The following R3HDML variants were observed in gnomAD, a reference collection of about 807,000 sequenced individuals.
R3HDML encodes the protein peptidase inhibitor R3HDML.
Under a neutral mutation model 24.2 loss-of-function variants are expected in R3HDML, and 21 were observed. That is an observed-to-expected ratio of 0.87 (90% confidence interval 0.62 to 1.25). R3HDML has a LOEUF of 1.25. R3HDML is among the 50% of genes most tolerant of loss of function. R3HDML has a pLI of 0.00. For synonymous variants in R3HDML, 133 were observed against 131.5 expected, an observed-to-expected ratio of 1.01 and a Z score of -0.08; for missense variants, 301 against 340.3, an observed-to-expected ratio of 0.88 and a Z score of 0.91.
chr20:44,341,872 G>A (rs1185288682), intron 2 of R3HDML, among the ~76,000 whole-genome samples: 3 of 152,100 alleles, frequency 2.0e-5, no homozygotes, highest in African/African-American at 4.8e-5. Context: ...GTGACAGAGT[G>A]AGACTGTGTC....
chr20:44,341,399 C>T (rs2062772056), intron 2 of R3HDML, 85 bp downstream of exon 2: 1 of 1,104,706 alleles, frequency 9.1e-7, no homozygotes, highest in Non-Finnish European at 1.3e-6. Context: ...CTGCACTTGA[C>T]ACTGGGATAC....
In R3HDML at chr20:44,343,372, C is replaced by G. The variant is rs770656561; in HGVS notation, c.381-5C>G. The G allele has an allele frequency of 6.2e-7, 1 of 1,607,390 alleles. No homozygotes were observed. Among genetic ancestry groups the G allele is most frequent in the Non-Finnish European group, 8.5e-7 (1 of 1,177,382 alleles). On this transcript the variant is annotated splice_polypyrimidine_tract_variant and splice_region_variant and intron_variant, in intron 2 of 4. Transcript: ENST00000217043. ...CAGCTTCTTCCGTGTCCCCCGCCTC[C>G]CCAGGTACCGGTCCGTAGTGGATCT...
At chr20:44,350,179 T>C (rs960902554) in intron 4 of R3HDML, among the ~76,000 whole-genome samples, 2 of 152,034 alleles carry the variant, frequency 1.3e-5, no homozygotes, top group Non-Finnish European at 1.5e-5. Context: ...CTGAATTCCT[T>C]AGAGAGAGAG....
chr20:44,340,576 T>A (rs918374925), intron 1 of R3HDML, among the ~76,000 whole-genome samples: 1 of 152,132 alleles, frequency 6.6e-6, no homozygotes, highest in African/African-American at 2.4e-5. Context: ...AGGTGAATTG[T>A]TTGAGGCCAG....
rs201921888 is a variant in R3HDML at position 44,345,344 on chromosome 20, C to T, written c.595C>T (p.Arg199Trp). The change falls in exon 4 of 5, where the codon CGG becomes TGG. Residue 199 changes from arginine (R) to tryptophan (W), a missense_variant. Transcript: ENST00000217043. ...CAGTGTCTGGGGCAACACCTGGCAT[C>T]GGGCGGCATACCTGGTCTGCAACTA... ...SISVWGNTWHRAAYLVCNYAI... is the reference protein window; with the variant it reads ...SISVWGNTWHWAAYLVCNYAI... The T allele has an allele frequency of 2.8e-5, 45 of 1,613,994 alleles. No individual in the cohort carries two copies. In the East Asian group the frequency reaches 4.0e-4, roughly 14 times the overall value.
intron 4 of R3HDML, among the ~76,000 whole-genome samples, chr20:44,345,824 TC>T (rs2062785213): frequency 6.6e-6 from 1 of 150,818 alleles, no homozygotes; most frequent in Non-Finnish European, 1.5e-5. Context: ...TTTCTTTCTT[TC>T]TTTCTTTTTT....
At chr20:44,345,041 G>A in intron 3 of R3HDML, 1 of 564,856 alleles carries the variant, frequency 1.8e-6, no homozygotes, top group East Asian at 3.0e-5. Flanking sequence ...TTGTACACCT[G>A]TAACAATATA....
intron 2 of R3HDML, 78 bp downstream of exon 2, chr20:44,341,392 C>A: frequency 8.6e-7 from 1 of 1,159,486 alleles, no homozygotes; most frequent in South Asian, 1.4e-5. Flanking sequence ...CCAGGTGCTG[C>A]ACTTGACACT....
At chr20:44,350,602 T>C in intron 4 of R3HDML, 58 bp from the exon 5 acceptor site, 2 of 1,550,088 alleles carry the variant, frequency 1.3e-6, no homozygotes, top group East Asian at 2.3e-5. Flanking sequence ...TCTGGACATC[T>C]GTGTGAAGGT....
intron 3 of R3HDML, among the ~76,000 whole-genome samples, chr20:44,344,540 G>C (rs2062780934): frequency 6.6e-6 from 1 of 152,144 alleles, no homozygotes; most frequent in Non-Finnish European, 1.5e-5. Flanking sequence ...GTAGCACTTT[G>C]GGAAGCCAAG....
At chr20:44,340,128 T>C (rs2062768287) in intron 1 of R3HDML, among the ~76,000 whole-genome samples, 1 of 152,078 alleles carries the variant, frequency 6.6e-6, no homozygotes, top group African/African-American at 2.4e-5. Flanking sequence ...CTAATTTTTA[T>C]ATTTTTAGTA....
At chr20:44,346,066 C>T (rs571976008) in intron 4 of R3HDML, among the ~76,000 whole-genome samples, 12 of 152,286 alleles carry the variant, frequency 7.9e-5, no homozygotes, top group Middle Eastern at 3.4e-3. Context: ...GTGATCTGCC[C>T]GCATCGGCCT....
At chr20:44,348,945 G>A (rs1237117648) in intron 4 of R3HDML, among the ~76,000 whole-genome samples, 3 of 152,068 alleles carry the variant, frequency 2.0e-5, no homozygotes, top group Non-Finnish European at 4.4e-5. Context: ...GAGGTCAGGA[G>A]GTCGAGACCA....
At chr20:44,349,272 T>A (rs1394276438) in intron 4 of R3HDML, among the ~76,000 whole-genome samples, 1 of 152,216 alleles carries the variant, frequency 6.6e-6, no homozygotes, top group African/African-American at 2.4e-5. Context: ...CTCTTGGGCA[T>A]GGGAAATCGA....
In R3HDML at chr20:44,337,952, A is replaced by G. The variant is rs1369614558; in HGVS notation, c.261+534A>G. ...GCATCCTCCACAAGCCCCTGGAGGC[A>G]GGCTTGGAGCAGTGGGGACAGGTAC... On this transcript the variant is annotated intron_variant, in intron 1 of 4. Coordinates refer to ENST00000217043, the MANE Select transcript of R3HDML (RefSeq NM_178491.4). This position sits in a 1 kb window ranked among gnomAD's most constrained non-coding sequence, Gnocchi z 4.7. Among the ~76,000 whole-genome samples, 2 of 152,184 alleles carry G rather than the reference A, an allele frequency of 1.3e-5. No homozygotes were observed. The highest frequency in any genetic ancestry group is 4.8e-5 in the African/African-American group (2 of 41,440).
In R3HDML at chr20:44,337,401, G is replaced by A. The variant is rs150688290; in HGVS notation, c.244G>A (p.Ala82Thr). The change falls in exon 1 of 5, where the codon GCC becomes ACC. Residue 82 changes from alanine (A) to threonine (T), a missense_variant. Coordinates refer to ENST00000217043, the MANE Select transcript of R3HDML (RefSeq NM_178491.4). This position sits in a 1 kb window ranked among gnomAD's most constrained non-coding sequence, Gnocchi z 4.7. ...CCGGGCCAGTGTGTACCCACCTGCC[G>A]CCAACATGGAATACATGGTGAGTCC... is the stretch of plus-strand genomic sequence containing the variant. ...HIRASVYPPA[A>T]NMEYMVWDKR... 167 of 1,613,296 alleles carry A rather than the reference G, an allele frequency of 1.0e-4. 1 individual carries two copies. Among genetic ancestry groups the A allele is most frequent in the African/African-American group, 8.1e-4 (61 of 75,012 alleles).
At position 44,342,398 on chromosome 20, in the gene R3HDML, C is replaced by T. The variant is rs1162573570; in HGVS notation, c.381-979C>T. On this transcript the variant is annotated intron_variant, in intron 2 of 4. Coordinates refer to ENST00000217043, the MANE Select transcript of R3HDML (RefSeq NM_178491.4). ...GAGAGCCGTGAATGGTCACTCAGAGCCCTACAGAGCAGACATCGGGTGATT... is the reference window on the plus strand; with the variant it reads ...GAGAGCCGTGAATGGTCACTCAGAGTCCTACAGAGCAGACATCGGGTGATT... 2.6e-5 allele frequency among the ~76,000 whole-genome samples: 4 copies of T among 152,018 alleles called. No homozygotes were observed. The East Asian group carries it at 7.7e-4, about 29-fold the overall frequency.
intron 2 of R3HDML, among the ~76,000 whole-genome samples, chr20:44,341,540 C>T (rs1047312511): frequency 6.6e-6 from 1 of 152,178 alleles, no homozygotes; most frequent in Non-Finnish European, 1.5e-5. Flanking sequence ...TGAGAACAAA[C>T]AAGTGCACAG....
intron 4 of R3HDML, among the ~76,000 whole-genome samples, chr20:44,348,938 G>T (rs2062799673): frequency 6.6e-6 from 1 of 152,008 alleles, no homozygotes; most frequent in Non-Finnish European, 1.5e-5. Flanking sequence ...ATCACCTGAG[G>T]TCAGGAGGTC....
Sources: gnomAD v4.1 joint callset for allele counts (sites outside exome capture counted in the v4.1 genomes callset) on GRCh38, gnomAD v4.1.1 for gene constraint, Gnocchi (gnomAD v3.1) non-coding constraint, MANE v1.5 for transcripts, NCBI Gene and HGNC (gene_info 2026-07-23, HGNC 2026-07-21) for gene names.